The following DPF3 variants were observed in gnomAD, a reference collection of about 807,000 sequenced individuals.
DPF3 encodes the protein double PHD fingers 3, also known as zinc finger protein DPF3.
A neutral mutation model predicts 56.8 loss-of-function variants in DPF3; 18 were observed. That is an observed-to-expected ratio of 0.32 (90% CI 0.22 to 0.47). The LOEUF is 0.47. DPF3 is among the 20% of genes least tolerant of loss of function. The pLI is 1.00. For missense variants in DPF3, 403 were observed against 488.8 expected (o/e 0.82, Z 1.65); for synonymous variants, 188 against 180.2 (o/e 1.04, Z -0.35).
intron 8 of DPF3, among the ~76,000 whole-genome samples, chr14:72,644,207 A>G (rs552029711): frequency 1.3e-5 from 2 of 152,308 alleles, no homozygotes; most frequent in Admixed American, 6.5e-5. Context: ...TTGGAGCTCC[A>G]TGGGAGTACA....
At chr14:72,893,997 G>A in intron 1 of DPF3, 60 bp downstream of exon 1, 1 of 1,600,114 alleles carries the variant, frequency 6.2e-7, no homozygotes. Context: ...CCACGCAGAA[G>A]GCGCCTTTTT....
At chr14:72,626,092 C>T (rs536807683) in intron 9 of DPF3, among the ~76,000 whole-genome samples, 24 of 152,244 alleles carry the variant, frequency 1.6e-4, no homozygotes, top group African/African-American at 2.9e-4. Flanking sequence ...TATCTATTTA[C>T]GTTATACTGT....
intron 1 of DPF3, among the ~76,000 whole-genome samples, chr14:72,833,743 C>T (rs1884163304): frequency 6.6e-6 from 1 of 152,188 alleles, no homozygotes; most frequent in African/African-American, 2.4e-5. Context: ...TTAAAATAAA[C>T]TCATTTCTCA....
intron 1 of DPF3, among the ~76,000 whole-genome samples, chr14:72,779,434 T>G (rs1891880521): frequency 6.6e-6 from 1 of 152,208 alleles, no homozygotes; most frequent in African/African-American, 2.4e-5. Context: ...TTCAAACTCC[T>G]CAGTGTAGAA....
chr14:72,747,637 A>AT (rs1890380606), intron 3 of DPF3, among the ~76,000 whole-genome samples: 1 of 151,980 alleles, frequency 6.6e-6, no homozygotes, highest in Admixed American at 6.6e-5. Context: ...AAAAAAAAAA[A>AT]AAAAATAGCT....
At chr14:72,635,383 T>C (rs1243601122) in intron 8 of DPF3, among the ~76,000 whole-genome samples, 2 of 152,164 alleles carry the variant, frequency 1.3e-5, no homozygotes, top group Non-Finnish European at 2.9e-5. Context: ...GAAGGACACA[T>C]CTCATGTCTT....
intron 8 of DPF3, among the ~76,000 whole-genome samples, chr14:72,645,726 A>G (rs1885704027): frequency 6.6e-6 from 1 of 151,898 alleles, no homozygotes; most frequent in South Asian, 2.1e-4. Context: ...TTTTCCCACC[A>G]TGGACCCCAA....
chr14:72,749,925 G>A (rs1013145416), intron 3 of DPF3, among the ~76,000 whole-genome samples: 4 of 151,912 alleles, frequency 2.6e-5, no homozygotes, highest in African/African-American at 4.8e-5. Context: ...CCCTCACTAC[G>A]CTCACTATGC....
Position 72,886,142 on chromosome 14 carries a change from C to T in DPF3, c.32+7915G>A, listed in dbSNP as rs781026782. ...ATCCCAGCACTTTGGGAAGCTGAGG[C>T]GGGTGGATCATCTGAGGTCAGGAGT... On this transcript the variant is annotated intron_variant, in intron 1 of 10. Transcript: ENST00000556509. 8.5e-5 allele frequency among the ~76,000 whole-genome samples: 13 copies of T among 152,090 alleles called. 1 individual carries two copies. In the East Asian group the frequency reaches 9.6e-4, roughly 11 times the overall value.
chr14:72,884,731 C>T (rs985960246), intron 1 of DPF3, among the ~76,000 whole-genome samples: 11 of 151,296 alleles, frequency 7.3e-5, no homozygotes, highest in African/African-American at 2.2e-4. Flanking sequence ...CAGGTAACTG[C>T]TAGTGCTACA....
chr14:72,792,931 T>TA (rs5809591), intron 1 of DPF3, among the ~76,000 whole-genome samples: 42 of 147,926 alleles, frequency 2.8e-4, no homozygotes, highest in South Asian at 1.5e-3. Flanking sequence ...AATAATAATT[T>TA]AAAAAAAAAA....
At chr14:72,698,565 T>C (rs751747254) in intron 6 of DPF3, among the ~76,000 whole-genome samples, 1 of 152,178 alleles carries the variant, frequency 6.6e-6, no homozygotes, top group Admixed American at 6.5e-5. Flanking sequence ...TGCGCACCTA[T>C]AGTCCCAGCT....
At chr14:72,870,972 G>A (rs1262006032) in intron 1 of DPF3, among the ~76,000 whole-genome samples, 1 of 152,162 alleles carries the variant, frequency 6.6e-6, no homozygotes, top group Non-Finnish European at 1.5e-5. Context: ...AAGAAAAAGA[G>A]GTTTAATTGG....
chr14:72,628,306 G>A (rs1463451388), intron 9 of DPF3, among the ~76,000 whole-genome samples: 1 of 151,908 alleles, frequency 6.6e-6, no homozygotes, highest in Non-Finnish European at 1.5e-5. Flanking sequence ...TATTTTTAAT[G>A]TTTTTATCAT....
chr14:72,689,135 A>C lies in DPF3; in HGVS notation c.742+3941T>G, dbSNP rs539179774. Among the ~76,000 whole-genome samples the C allele has an allele frequency of 3.9e-5, 6 of 152,300 alleles. No individual in the cohort carries two copies. In the East Asian group the frequency reaches 5.8e-4, roughly 15 times the overall value. On this transcript the variant is annotated intron_variant, in intron 7 of 10. Transcript: ENST00000556509. ...GGGGAAGGTCAGCGCCGGCTCCAGC[A>C]GTCCACTCTGCCCTTTCAGCAGCAG...
intron 7 of DPF3, among the ~76,000 whole-genome samples, chr14:72,676,287 T>A (rs992172819): frequency 6.6e-6 from 1 of 152,158 alleles, no homozygotes; most frequent in Non-Finnish European, 1.5e-5. Flanking sequence ...GAGAATCCCA[T>A]ATATATCATT....
intron 8 of DPF3, among the ~76,000 whole-genome samples, chr14:72,643,331 G>C (rs1885616554): frequency 6.6e-6 from 1 of 152,198 alleles, no homozygotes; most frequent in Non-Finnish European, 1.5e-5. Flanking sequence ...TGTCCCCTCA[G>C]GCCCCTTTAA....
At chr14:72,805,526 C>T (rs1882734290) in intron 1 of DPF3, among the ~76,000 whole-genome samples, 1 of 150,952 alleles carries the variant, frequency 6.6e-6, no homozygotes, top group Non-Finnish European at 1.5e-5. Context: ...GGAACAGTCA[C>T]AGCATGCCAT....
chr14:72,702,561 C>G (rs1439990527), intron 6 of DPF3, among the ~76,000 whole-genome samples: 1 of 152,198 alleles, frequency 6.6e-6, no homozygotes, highest in East Asian at 1.9e-4. Flanking sequence ...CATATTCACA[C>G]CCTACCAGAC....
Sources: gnomAD v4.1 joint callset for allele counts (sites outside exome capture counted in the v4.1 genomes callset) on GRCh38, gnomAD v4.1.1 for gene constraint, MANE v1.5 for transcripts, NCBI Gene and HGNC (gene_info 2026-07-23, HGNC 2026-07-21) for gene names.